PCDHGB4: variants seen among roughly 807,000 people sequenced by gnomAD.
PCDHGB4 encodes protocadherin gamma-B4.
Under a neutral mutation model 60.5 loss-of-function variants are expected in PCDHGB4, and 38 were observed. That is an observed-to-expected ratio of 0.63 (90% CI 0.48 to 0.82). The LOEUF is 0.82. PCDHGB4 is among the 40% of genes least tolerant of loss of function. PCDHGB4 has a pLI of 0.00. For missense variants in PCDHGB4, 1,109 were observed against 1,209.6 expected (o/e 0.92, Z 1.23); for synonymous variants, 456 against 509.7 (o/e 0.89, Z 1.42).
At chr5:141,430,841 T>C (rs757539834) in intron 1 of PCDHGB4, 1 of 1,566,462 alleles carries the variant, frequency 6.4e-7, no homozygotes, top group South Asian at 1.2e-5. Flanking sequence ...GGAGACCGGA[T>C]GCACCCAGAT....
intron 1 of PCDHGB4, among the ~76,000 whole-genome samples, chr5:141,452,476 C>T (rs968627914): frequency 6.6e-6 from 1 of 152,216 alleles, no homozygotes; most frequent in Admixed American, 6.5e-5. Context: ...AGGAAAAACA[C>T]ACATAAACAC....
rs1460626002 is a variant in PCDHGB4, at chr5:141,486,935, C to A, written c.2398-7872C>A. ...ACTGCCTCCATCAGTTGGTGCTGGC[C>A]ACCTAATCACAAAGGTGACTGCTGT... On this transcript the variant is annotated intron_variant, in intron 1 of 3. Transcript: ENST00000519479. This position sits in a 1 kb window ranked among gnomAD's most constrained non-coding sequence, Gnocchi z 5.0. 5 of 1,614,228 alleles carry A rather than the reference C, an allele frequency of 3.1e-6. No individual in the cohort carries two copies. The highest frequency in any genetic ancestry group is 4.2e-6 in the Non-Finnish European group (5 of 1,180,038).
chr5:141,432,745 G>A lies in PCDHGB4; in HGVS notation c.2397+42464G>A, dbSNP rs138883931. ...TCTCCGCCACTGTCACGCTCACCGT[G>A]GCCGTGGCCGACAGCATCCCCCAAG... On this transcript the variant is annotated intron_variant, in intron 1 of 3. Coordinates refer to ENST00000519479, the MANE Select transcript of PCDHGB4 (RefSeq NM_003736.4). This position sits in a 1 kb window ranked among gnomAD's most constrained non-coding sequence, Gnocchi z 6.0. 311 of 1,614,110 alleles carry A rather than the reference G, an allele frequency of 1.9e-4. No individual in the cohort carries two copies. The African/African-American group carries it at 3.5e-3, about 18-fold the overall frequency.
At chr5:141,509,631 C>A (rs1250891268) in intron 3 of PCDHGB4, among the ~76,000 whole-genome samples, 1 of 152,200 alleles carries the variant, frequency 6.6e-6, no homozygotes, top group East Asian at 1.9e-4. Flanking sequence ...CTGGGTGATG[C>A]TGAGCCAGGG....
chr5:141,398,686 G>T (rs2093688431), intron 1 of PCDHGB4: 6 of 1,613,920 alleles, frequency 3.7e-6, no homozygotes, highest in Non-Finnish European at 5.1e-6. Context: ...GGAGAAACAG[G>T]ATGGTAGTAA....
intron 3 of PCDHGB4, among the ~76,000 whole-genome samples, chr5:141,508,528 C>T (rs2099869454): frequency 6.6e-6 from 1 of 152,186 alleles, no homozygotes; most frequent in Admixed American, 6.5e-5. Context: ...AACCTCAGGG[C>T]ACCCCCCACG....
At chr5:141,467,987 A>G (rs888811899) in intron 1 of PCDHGB4, among the ~76,000 whole-genome samples, 10 of 152,216 alleles carry the variant, frequency 6.6e-5, no homozygotes, top group Non-Finnish European at 8.8e-5. Flanking sequence ...TCAGAAAACC[A>G]CAATTCTTTC....
In PCDHGB4 at chr5:141,486,270, G is replaced by A. The variant is rs1052584402; in HGVS notation, c.2398-8537G>A. 2 of 1,614,062 alleles carry A rather than the reference G, an allele frequency of 1.2e-6. No homozygotes were observed. Reference sequence around the variant, plus strand: ...ACCCTCCCCGAGAGTGCAGAACCTGGCACTGTGGTGGCACTTATCAGTGTG... The same window carrying A: ...ACCCTCCCCGAGAGTGCAGAACCTGACACTGTGGTGGCACTTATCAGTGTG... On this transcript the variant is annotated intron_variant, in intron 1 of 3. Coordinates refer to ENST00000519479, the MANE Select transcript of PCDHGB4 (RefSeq NM_003736.4). This position sits in a 1 kb window ranked among gnomAD's most constrained non-coding sequence, Gnocchi z 5.0.
chr5:141,411,366 T>C (rs559840924), intron 1 of PCDHGB4: 1 of 152,208 alleles, frequency 6.6e-6, no homozygotes, highest in South Asian at 2.1e-4. Flanking sequence ...AGCCCAAGAA[T>C]TGAGACCAGC....
intron 1 of PCDHGB4, among the ~76,000 whole-genome samples, chr5:141,475,442 T>A (rs1007534176): frequency 1.3e-5 from 2 of 152,238 alleles, no homozygotes; most frequent in African/African-American, 4.8e-5. Context: ...TAGCTCCAGA[T>A]AATGAGGAAG....
chr5:141,404,600 CTGTT>C (rs901473063), intron 1 of PCDHGB4: 9 of 1,613,938 alleles, frequency 5.6e-6, no homozygotes, highest in East Asian at 2.2e-5. Flanking sequence ...GTCATTGAGA[CTGTT>C]TGTTTTGGAC....
At chr5:141,460,455 A>G (rs1021070289) in intron 1 of PCDHGB4, among the ~76,000 whole-genome samples, 2 of 152,080 alleles carry the variant, frequency 1.3e-5, no homozygotes, top group African/African-American at 4.8e-5. Context: ...GAAGATTCAT[A>G]TTTTTTTCCA....
intron 1 of PCDHGB4, among the ~76,000 whole-genome samples, chr5:141,446,453 A>T (rs2098502702): frequency 6.6e-6 from 1 of 151,946 alleles, no homozygotes; most frequent in Non-Finnish European, 1.5e-5. Context: ...GCAGATATTC[A>T]GTGTGTGATT....
At chr5:141,420,742 A>G (rs967908996) in intron 1 of PCDHGB4, among the ~76,000 whole-genome samples, 3 of 152,372 alleles carry the variant, frequency 2.0e-5, no homozygotes, top group African/African-American at 7.2e-5. Context: ...AATCAATTGG[A>G]ACCAACTACA....
chr5:141,433,582 T>TCCCA (rs758953161), intron 1 of PCDHGB4, among the ~76,000 whole-genome samples: 4 of 151,942 alleles, frequency 2.6e-5, no homozygotes, highest in Non-Finnish European at 5.9e-5. Flanking sequence ...ACGCCTGTAA[T>TCCCA]CCCAGTACTT....
At chr5:141,439,631 A>G (rs1459977985) in intron 1 of PCDHGB4, among the ~76,000 whole-genome samples, 2 of 152,214 alleles carry the variant, frequency 1.3e-5, no homozygotes, top group African/African-American at 2.4e-5. Context: ...ATCCCCAGAC[A>G]TTCCGGCTTG....
At chr5:141,508,483 G>T (rs1186425031) in intron 3 of PCDHGB4, among the ~76,000 whole-genome samples, 2 of 152,154 alleles carry the variant, frequency 1.3e-5, no homozygotes, top group East Asian at 3.9e-4. Context: ...TTACATTCTG[G>T]ATTTCCATAT....
intron 1 of PCDHGB4, among the ~76,000 whole-genome samples, chr5:141,458,201 T>C (rs973995736): frequency 6.6e-6 from 1 of 152,168 alleles, no homozygotes; most frequent in African/African-American, 2.4e-5. Context: ...AGGCCATAAA[T>C]AGTTTAAAAT....
At chr5:141,457,554 G>A (rs2098924282) in intron 1 of PCDHGB4, among the ~76,000 whole-genome samples, 1 of 152,166 alleles carries the variant, frequency 6.6e-6, no homozygotes, top group Admixed American at 6.5e-5. Flanking sequence ...TGTATGATAA[G>A]CTTTGGAGCA....
Sources: allele counts gnomAD v4.1 joint callset (sites outside exome capture counted in the v4.1 genomes callset), GRCh38; gene constraint gnomAD v4.1.1; non-coding constraint Gnocchi (gnomAD v3.1); transcripts MANE v1.5; gene names NCBI Gene and HGNC (gene_info 2026-07-23, HGNC 2026-07-21).